AGPAT3: variants seen among roughly 807,000 people sequenced by gnomAD.
The protein encoded by AGPAT3 is 1-acylglycerol-3-phosphate O-acyltransferase 3.
In AGPAT3, 5 loss-of-function variants were observed where a neutral mutation model predicts 47.3. The ratio of observed to expected loss-of-function variants is 0.11; its 90% CI spans 0.06 to 0.22. The LOEUF (loss-of-function observed/expected upper bound fraction) is 0.22, where lower values mean the gene tolerates loss of function less well. Ranked by LOEUF, AGPAT3 falls within the 10% of genes least tolerant of loss-of-function variation. The pLI is 1.00. For missense variants in AGPAT3, 315 were observed against 493.0 expected (o/e 0.64, Z 3.42); for synonymous variants, 212 against 208.3 (o/e 1.02, Z -0.15).
chr21:43,974,214 T>C (rs1238799111), intron 7 of AGPAT3, among the ~76,000 whole-genome samples: 1 of 141,182 alleles, frequency 7.1e-6, no homozygotes, highest in Non-Finnish European at 1.6e-5. Context: ...AGTGTGCATA[T>C]AAATTATCTA....
chr21:43,879,597 G>T (rs908571486), intron 1 of AGPAT3, among the ~76,000 whole-genome samples: 1 of 151,976 alleles, frequency 6.6e-6, no homozygotes, highest in African/African-American at 2.4e-5. Flanking sequence ...TCTGCTCTCG[G>T]CTGTGCACCT....
rs1415366312 is a variant in AGPAT3 at position 43,959,807 on chromosome 21, C to G, written c.126C>G (p.Ser42Arg). 1 of 1,612,956 alleles carries G rather than the reference C, an allele frequency of 6.2e-7. No homozygotes were observed. The highest frequency in any genetic ancestry group is 8.5e-7 in the Non-Finnish European group (1 of 1,179,922). The change falls in exon 3 of 10, where the codon AGC becomes AGG. Residue 42 changes from serine to arginine, a missense_variant. Coordinates refer to ENST00000291572, the MANE Select transcript of AGPAT3 (RefSeq NM_020132.5). ...GCACGCTGGCGCTCTGGCCGGTCAGCAAGCAGCTCTACCGCCGCCTCAACT... is the reference window on the plus strand; with the variant it reads ...GCACGCTGGCGCTCTGGCCGGTCAGGAAGCAGCTCTACCGCCGCCTCAACT... ...QLCTLALWPV[S>R]KQLYRRLNCR...
intron 2 of AGPAT3, among the ~76,000 whole-genome samples, chr21:43,907,820 C>T (rs919004935): frequency 3.9e-5 from 6 of 152,242 alleles, no homozygotes; most frequent in Non-Finnish European, 8.8e-5. Flanking sequence ...TTCTACAAAA[C>T]AGCAGACTCA....
At chr21:43,909,720 G>A (rs917731958) in intron 2 of AGPAT3, among the ~76,000 whole-genome samples, 4 of 152,168 alleles carry the variant, frequency 2.6e-5, no homozygotes, top group African/African-American at 9.7e-5. Context: ...CTCTGCCCTC[G>A]TTGCAGGAGA....
chr21:43,968,148 G>A (rs781050208), intron 4 of AGPAT3, 33 bp downstream of exon 4: 4 of 1,606,430 alleles, frequency 2.5e-6, no homozygotes, highest in South Asian at 2.2e-5. Context: ...CCACGGGTGA[G>A]CAGGAGGGTC....
At chr21:43,971,720 C>T (rs935099931) in intron 7 of AGPAT3, among the ~76,000 whole-genome samples, 2 of 152,192 alleles carry the variant, frequency 1.3e-5, no homozygotes, top group Non-Finnish European at 2.9e-5. Context: ...CATGGAGACA[C>T]GGGGGATGTG....
At chr21:43,973,943 GA>G (rs914051092) in intron 7 of AGPAT3, among the ~76,000 whole-genome samples, 11 of 151,776 alleles carry the variant, frequency 7.2e-5, no homozygotes, top group African/African-American at 1.7e-4. Flanking sequence ...CTGGGGTGCA[GA>G]AAAAAAATAG....
At chr21:43,960,827 G>GGT (rs2088796650) in intron 3 of AGPAT3, 1 of 953,144 alleles carries the variant, frequency 1.0e-6, no homozygotes, top group African/African-American at 1.8e-5. Context: ...CTGTGTGTGT[G>GGT]GTGTGTACAT....
chr21:43,910,996 A>C (rs917383492), intron 2 of AGPAT3, among the ~76,000 whole-genome samples: 37 of 152,332 alleles, frequency 2.4e-4, no homozygotes, highest in African/African-American at 8.7e-4. Flanking sequence ...TCTTTACTCC[A>C]TTCCACATCC....
chr21:43,874,371 C>T (rs935917348), intron 1 of AGPAT3, among the ~76,000 whole-genome samples: 2 of 152,224 alleles, frequency 1.3e-5, no homozygotes, highest in African/African-American at 4.8e-5. Flanking sequence ...CTTAGTTCTG[C>T]TGTACTGTCG....
At chr21:43,907,671 C>A (rs370193597) in intron 2 of AGPAT3, among the ~76,000 whole-genome samples, 2 of 152,156 alleles carry the variant, frequency 1.3e-5, no homozygotes, top group Non-Finnish European at 2.9e-5. Flanking sequence ...GAGCCGAGAT[C>A]GCGCCACTGC....
intron 3 of AGPAT3, chr21:43,966,049 C>T (rs1476953876): frequency 6.6e-6 from 1 of 152,268 alleles, no homozygotes; most frequent in Admixed American, 6.5e-5. Flanking sequence ...GCCGCCCACC[C>T]TGCAAGACAG....
chr21:43,885,141 C>A (rs1234342405), intron 1 of AGPAT3, among the ~76,000 whole-genome samples: 1 of 152,224 alleles, frequency 6.6e-6, no homozygotes, highest in Non-Finnish European at 1.5e-5. Context: ...TGCGGCTAGA[C>A]CTCAAATGGC....
rs2086934673 is a variant in AGPAT3, at chr21:43,922,871, C to T, written c.-49+18852C>T. ...TCGCTGTGTGATGTGACTGGCTGCC[C>T]AGTGGTGGTGGCAGAGCCAGCCTGG... On this transcript the variant is annotated intron_variant, in intron 2 of 9. Coordinates refer to ENST00000291572, the MANE Select transcript of AGPAT3 (RefSeq NM_020132.5). The surrounding 1 kb of genome is among the most constrained non-coding windows in gnomAD (Gnocchi z 4.9). Among the ~76,000 whole-genome samples the T allele has an allele frequency of 6.6e-6, 1 of 152,184 alleles. No homozygotes were observed. Among genetic ancestry groups the T allele is most frequent in the Non-Finnish European group, 1.5e-5 (1 of 68,020 alleles).
At chr21:43,979,912 G>A (rs1242653472) in intron 8 of AGPAT3, among the ~76,000 whole-genome samples, 1 of 152,168 alleles carries the variant, frequency 6.6e-6, no homozygotes, top group Non-Finnish European at 1.5e-5. Context: ...GAACCATGAA[G>A]AGATCAAAGA....
chr21:43,955,301 A>C lies in AGPAT3; in HGVS notation c.-48-4333A>C, dbSNP rs966455714. 6 of 1,114,246 alleles carry C rather than the reference A, an allele frequency of 5.4e-6. No homozygotes were observed. Among genetic ancestry groups the C allele is most frequent in the Middle Eastern group, 4.0e-4 (1 of 2,486 alleles). The allele number at this position is 1,114,246 out of a possible 1,614,324, so 69.0% of individuals were successfully genotyped here. Reference sequence around the variant, plus strand: ...GCATTGTCAGGCTGGGTGGGGAAGGACTTGGATGGAAATGTTCCCTGTTGC... The same window carrying C: ...GCATTGTCAGGCTGGGTGGGGAAGGCCTTGGATGGAAATGTTCCCTGTTGC... On this transcript the variant is annotated intron_variant, in intron 2 of 9. Transcript: ENST00000291572. The surrounding 1 kb of genome is among the most constrained non-coding windows in gnomAD (Gnocchi z 4.1).
intron 1 of AGPAT3, 144 bp downstream of exon 1, chr21:43,865,489 A>G (rs1184613940): frequency 1.4e-5 from 2 of 145,316 alleles, no homozygotes; most frequent in Non-Finnish European, 3.1e-5. Context: ...CCGCGCCGCA[A>G]TGGGCCGGCC....
rs540742030 is a variant in AGPAT3 at position 43,934,841 on chromosome 21, G to C, written c.-48-24793G>C. ...CACCTCTACCCCTCACGTCACCGACGCCACTCACATGCCACTCACATGCCA... is the reference window on the plus strand; with the variant it reads ...CACCTCTACCCCTCACGTCACCGACCCCACTCACATGCCACTCACATGCCA... On this transcript the variant is annotated intron_variant, in intron 2 of 9. Transcript: ENST00000291572. The surrounding 1 kb of genome is among the most constrained non-coding windows in gnomAD (Gnocchi z 4.7). Among the ~76,000 whole-genome samples the C allele has an allele frequency of 1.4e-5, 2 of 139,140 alleles. No individual in the cohort carries two copies. The highest frequency in any genetic ancestry group is 5.6e-5 in the African/African-American group (2 of 35,958). 91.3% of individuals were successfully genotyped at this position (139,140 alleles called of 152,430 possible). A position where few individuals can be genotyped will look rare whatever the true frequency, so the allele number is the denominator to read the frequency against.
intron 1 of AGPAT3, among the ~76,000 whole-genome samples, chr21:43,881,317 C>T (rs1569043242): frequency 6.6e-6 from 1 of 152,138 alleles, no homozygotes; most frequent in African/African-American, 2.4e-5. Flanking sequence ...GAGAAATTAA[C>T]CACTATAAAT....
Sources: allele counts gnomAD v4.1 joint callset (sites outside exome capture counted in the v4.1 genomes callset), GRCh38; gene constraint gnomAD v4.1.1; non-coding constraint Gnocchi (gnomAD v3.1); transcripts MANE v1.5; gene names NCBI Gene and HGNC (gene_info 2026-07-23, HGNC 2026-07-21).